ARHGAP18: variants seen among roughly 807,000 people sequenced by gnomAD.
The protein encoded by ARHGAP18 is rho GTPase-activating protein 18.
In ARHGAP18, 67 loss-of-function variants were observed where a neutral mutation model predicts 86.2. That is an observed-to-expected ratio of 0.78 (90% confidence interval 0.64 to 0.95). The LOEUF (loss-of-function observed/expected upper bound fraction) is 0.95, where lower values mean the gene tolerates loss of function less well. ARHGAP18 is among the 40% of genes least tolerant of loss of function. The probability of loss-of-function intolerance (pLI) is 0.00; values close to 1 mark genes in which losing one functional copy is unlikely to be tolerated. For missense variants in ARHGAP18, 691 were observed against 780.4 expected (o/e 0.89, Z 1.37); for synonymous variants, 283 against 280.4 (o/e 1.01, Z -0.09).
chr6:129,640,309 T>C (rs1172070384), intron 2 of ARHGAP18, among the ~76,000 whole-genome samples: 1 of 152,202 alleles, frequency 6.6e-6, no homozygotes, highest in Non-Finnish European at 1.5e-5. Flanking sequence ...TAGTGCATAA[T>C]AATCAATGAC....
chr6:129,650,549 T>C (rs1044126136), intron 1 of ARHGAP18, among the ~76,000 whole-genome samples: 59 of 152,164 alleles, frequency 3.9e-4, no homozygotes, highest in African/African-American at 1.4e-3. Context: ...ACTCAACAAG[T>C]AGCCAAATGG....
intron 3 of ARHGAP18, among the ~76,000 whole-genome samples, chr6:129,638,119 G>A (rs1773371217): frequency 6.6e-6 from 1 of 152,130 alleles, no homozygotes; most frequent in African/African-American, 2.4e-5. Context: ...CACCCCTAGT[G>A]GAGTTAAAGT....
intron 4 of ARHGAP18, among the ~76,000 whole-genome samples, chr6:129,631,610 C>A (rs1446848285): frequency 1.3e-5 from 2 of 152,024 alleles, no homozygotes; most frequent in Non-Finnish European, 2.9e-5. Context: ...AATAAAATTT[C>A]TGTCATCTAG....
intron 6 of ARHGAP18, among the ~76,000 whole-genome samples, chr6:129,617,926 G>A (rs370879160): frequency 7.2e-5 from 11 of 152,236 alleles, no homozygotes; most frequent in East Asian, 3.9e-4. Flanking sequence ...CTCTTTAGGA[G>A]ATACTTCTAA....
intron 1 of ARHGAP18, among the ~76,000 whole-genome samples, chr6:129,685,114 A>G (rs929141702): frequency 6.6e-6 from 1 of 152,130 alleles, no homozygotes; most frequent in Admixed American, 6.5e-5. Flanking sequence ...GCTCCACCAC[A>G]TTCCTAGCAT....
At chr6:129,699,975 A>G (rs1266375557) in intron 1 of ARHGAP18, among the ~76,000 whole-genome samples, 2 of 152,222 alleles carry the variant, frequency 1.3e-5, no homozygotes, top group South Asian at 2.1e-4. Flanking sequence ...CTAACAGTAC[A>G]GTTTTCAAAT....
At chr6:129,594,147 T>C (rs942246951) in intron 12 of ARHGAP18, among the ~76,000 whole-genome samples, 1 of 152,160 alleles carries the variant, frequency 6.6e-6, no homozygotes, top group African/African-American at 2.4e-5. Flanking sequence ...AGAATGTTTA[T>C]GATCTATAGT....
At chr6:129,656,256 C>T (rs1484132277) in intron 1 of ARHGAP18, among the ~76,000 whole-genome samples, 1 of 152,196 alleles carries the variant, frequency 6.6e-6, no homozygotes, top group African/African-American at 2.4e-5. Context: ...CCTGGCTTCA[C>T]ACCATATGAG....
chr6:129,611,963 A>T (rs1273571000), intron 7 of ARHGAP18, among the ~76,000 whole-genome samples: 1 of 152,226 alleles, frequency 6.6e-6, no homozygotes, highest in Non-Finnish European at 1.5e-5. Context: ...AATCAAATAA[A>T]TCTTATGAAA....
intron 1 of ARHGAP18, among the ~76,000 whole-genome samples, chr6:129,699,458 C>G (rs1379182318): frequency 2.0e-5 from 3 of 152,138 alleles, no homozygotes; most frequent in African/African-American, 7.2e-5. Flanking sequence ...CAACAGAAAC[C>G]CCCAACTTAG....
rs548482229 is a variant in ARHGAP18, at chr6:129,653,432, A to T, written c.114-11414T>A. On this transcript the variant is annotated intron_variant, in intron 1 of 14. Coordinates refer to ENST00000368149, the MANE Select transcript of ARHGAP18 (RefSeq NM_033515.3). ...TCAACTTCAAACATTACAATGCTCC[A>T]CTGGTAAGTATAGAAGGCCGGGAAG... Among the ~76,000 whole-genome samples the T allele has an allele frequency of 2.6e-5, 4 of 152,360 alleles. No individual in the cohort carries two copies. The East Asian group carries it at 7.7e-4, about 29-fold the overall frequency.
intron 1 of ARHGAP18, among the ~76,000 whole-genome samples, chr6:129,649,894 A>G (rs1187011824): frequency 6.8e-6 from 1 of 146,504 alleles, no homozygotes; most frequent in African/African-American, 2.5e-5. Flanking sequence ...CTTTCACTCT[A>G]CTTCGTCTTC....
At chr6:129,597,939 A>C (rs181353947) in intron 12 of ARHGAP18, among the ~76,000 whole-genome samples, 1 of 152,318 alleles carries the variant, frequency 6.6e-6, no homozygotes, top group Admixed American at 6.5e-5. Context: ...TTCCATTTCC[A>C]AAAAGTAAAC....
chr6:129,586,968 G>A (rs918685965), intron 12 of ARHGAP18, among the ~76,000 whole-genome samples: 6 of 151,990 alleles, frequency 3.9e-5, no homozygotes, highest in African/African-American at 1.2e-4. Context: ...TCTTCATTCC[G>A]CTGACTCTCC....
At chr6:129,708,991 G>A (rs1043657128) in intron 1 of ARHGAP18, among the ~76,000 whole-genome samples, 1 of 152,256 alleles carries the variant, frequency 6.6e-6, no homozygotes, top group African/African-American at 2.4e-5. Context: ...GTCTAACACT[G>A]AGTATTACAG....
chr6:129,625,380 A>ATATTTATACATATGTATTATG (rs1789372709), intron 5 of ARHGAP18, among the ~76,000 whole-genome samples: 1 of 83,388 alleles, frequency 1.2e-5, no homozygotes, highest in Non-Finnish European at 2.0e-5. Context: ...TATATATTAT[A>ATATTTATACATATGTATTATG]TATTATATAT....
chr6:129,691,272 C>T (rs376543303), intron 1 of ARHGAP18, among the ~76,000 whole-genome samples: 1 of 152,206 alleles, frequency 6.6e-6, no homozygotes, highest in Non-Finnish European at 1.5e-5. Context: ...CCCCAGTTCT[C>T]ACCAGCATGG....
chr6:129,619,947 G>C (rs1417084452), intron 5 of ARHGAP18, among the ~76,000 whole-genome samples: 2 of 151,560 alleles, frequency 1.3e-5, no homozygotes, highest in Admixed American at 6.6e-5. Context: ...GGGAGATGGA[G>C]GGGGAGGGAA....
intron 4 of ARHGAP18, 40 bp from the exon 5 acceptor site, chr6:129,629,562 A>C (rs146508781): frequency 7.0e-6 from 11 of 1,561,592 alleles, no homozygotes; most frequent in Non-Finnish European, 9.5e-6. Context: ...CATATGCTTT[A>C]TTTATTTTTT....
Sources: allele counts gnomAD v4.1 joint callset (sites outside exome capture counted in the v4.1 genomes callset), GRCh38; gene constraint gnomAD v4.1.1; transcripts MANE v1.5; gene names NCBI Gene and HGNC (gene_info 2026-07-23, HGNC 2026-07-21).